Variants in MARCHF1 observed in about 807,000 individuals in gnomAD.
MARCHF1 encodes E3 ubiquitin-protein ligase MARCHF1.
In MARCHF1, 40 loss-of-function variants were observed where a neutral mutation model predicts 54.2. That is an observed-to-expected ratio of 0.74 (90% CI 0.57 to 0.96). The LOEUF (loss-of-function observed/expected upper bound fraction) is 0.96, where lower values mean the gene tolerates loss of function less well. Ranked by LOEUF, MARCHF1 falls within the 40% of genes least tolerant of loss-of-function variation. The pLI is 0.00. For synonymous variants in MARCHF1, 236 were observed against 236.3 expected (o/e 1.00, Z 0.01); for missense variants, 586 against 656.5 (o/e 0.89, Z 1.17).
Position 163,951,076 on chromosome 4 carries a change from G to A in MARCHF1, c.-39+37425C>T, listed in dbSNP as rs1484932385. On this transcript the variant is annotated intron_variant, in intron 3 of 9. Transcript: ENST00000514618. Reference sequence around the variant, plus strand: ...ACAAAAATATCACTTCACTTATTTTGATTTTAGACTGAAAAATAAACTTCA... The same window carrying A: ...ACAAAAATATCACTTCACTTATTTTAATTTTAGACTGAAAAATAAACTTCA... Among the ~76,000 whole-genome samples the A allele has an allele frequency of 4.1e-4, 63 of 152,236 alleles. 1 individual carries two copies. Among genetic ancestry groups the A allele is most frequent in the Non-Finnish European group, 8.8e-5 (6 of 68,000 alleles).
intron 1 of MARCHF1, among the ~76,000 whole-genome samples, chr4:164,169,001 C>T (rs970263641): frequency 2.0e-5 from 3 of 151,838 alleles, no homozygotes; most frequent in African/African-American, 7.3e-5. Flanking sequence ...TAGGATGAGC[C>T]AGTTTAGAGA....
intron 1 of MARCHF1, among the ~76,000 whole-genome samples, chr4:164,269,429 T>C (rs866427999): frequency 1.3e-5 from 2 of 152,160 alleles, no homozygotes; most frequent in Middle Eastern, 3.4e-3. Flanking sequence ...TGACCAATGA[T>C]GTTTGTTTCA....
chr4:163,657,205 G>A (rs1743179140), intron 5 of MARCHF1, among the ~76,000 whole-genome samples: 1 of 152,014 alleles, frequency 6.6e-6, no homozygotes, highest in Admixed American at 6.6e-5. Flanking sequence ...AGCAAATTCA[G>A]CAAAGTCTCA....
At chr4:163,691,184 C>T (rs575125715) in intron 5 of MARCHF1, among the ~76,000 whole-genome samples, 7 of 152,244 alleles carry the variant, frequency 4.6e-5, no homozygotes, top group East Asian at 1.9e-4. Context: ...TGTATCAGGC[C>T]GGCAGCATCT....
At chr4:163,655,166 T>C (rs890573552) in intron 5 of MARCHF1, among the ~76,000 whole-genome samples, 1 of 151,742 alleles carries the variant, frequency 6.6e-6, no homozygotes, top group Admixed American at 6.6e-5. Flanking sequence ...AATTATTATT[T>C]TTGCTACTGT....
At chr4:164,265,897 T>C (rs1284022502) in intron 1 of MARCHF1, among the ~76,000 whole-genome samples, 1 of 152,130 alleles carries the variant, frequency 6.6e-6, no homozygotes, top group African/African-American at 2.4e-5. Flanking sequence ...TCCAACCAAA[T>C]TAGGAACAAT....
chr4:164,223,587 G>A (rs1732171356), intron 1 of MARCHF1, among the ~76,000 whole-genome samples: 1 of 151,902 alleles, frequency 6.6e-6, no homozygotes, highest in Non-Finnish European at 1.5e-5. Flanking sequence ...AGTATTTATT[G>A]TAAATCTTGG....
At chr4:164,073,301 G>A (rs1213124832) in intron 2 of MARCHF1, among the ~76,000 whole-genome samples, 1 of 152,156 alleles carries the variant, frequency 6.6e-6, no homozygotes, top group African/African-American at 2.4e-5. Flanking sequence ...ATACACCATG[G>A]AATACTATGC....
At chr4:163,906,275 C>A (rs1751064852) in intron 3 of MARCHF1, among the ~76,000 whole-genome samples, 1 of 151,846 alleles carries the variant, frequency 6.6e-6, no homozygotes, top group Admixed American at 6.6e-5. Flanking sequence ...TCCCCAGTGC[C>A]TGAATATGTA....
chr4:163,581,652 T>C (rs1740237747), intron 8 of MARCHF1, among the ~76,000 whole-genome samples: 1 of 152,174 alleles, frequency 6.6e-6, no homozygotes, highest in Non-Finnish European at 1.5e-5. Context: ...GAATTAACAG[T>C]GTTTGTTAAA....
intron 1 of MARCHF1, among the ~76,000 whole-genome samples, chr4:164,317,468 T>C (rs940588174): frequency 6.6e-6 from 1 of 152,258 alleles, no homozygotes; most frequent in South Asian, 2.1e-4. Flanking sequence ...TGCTGGTGCC[T>C]ACACATACAA....
At chr4:164,100,931 G>T (rs538971238) in intron 2 of MARCHF1, among the ~76,000 whole-genome samples, 1 of 152,216 alleles carries the variant, frequency 6.6e-6, no homozygotes, top group Non-Finnish European at 1.5e-5. Flanking sequence ...GAAGTAGGGC[G>T]AGGCATTGCC....
intron 2 of MARCHF1, among the ~76,000 whole-genome samples, chr4:164,071,458 C>T (rs1038294159): frequency 1.3e-5 from 2 of 151,870 alleles, no homozygotes; most frequent in African/African-American, 4.8e-5. Flanking sequence ...AAATATGATA[C>T]TTTTAAATAT....
In MARCHF1 at chr4:163,915,952, T is replaced by C. The variant is rs939291476; in HGVS notation, c.-38-61783A>G. Among the ~76,000 whole-genome samples, 36 of 152,162 alleles carry C rather than the reference T, an allele frequency of 2.4e-4. 1 individual carries two copies. The highest frequency in any genetic ancestry group is 2.4e-5 in the African/African-American group (1 of 41,452). Reference sequence around the variant, plus strand: ...TCCCATTTAAGAACCTGAATATAGATATTTTAATTCTAGTACCAAATTCAG... The same window carrying C: ...TCCCATTTAAGAACCTGAATATAGACATTTTAATTCTAGTACCAAATTCAG... On this transcript the variant is annotated intron_variant, in intron 3 of 9. Transcript: ENST00000514618.
chr4:163,703,159 T>C (rs542635830), intron 4 of MARCHF1, among the ~76,000 whole-genome samples: 2 of 152,286 alleles, frequency 1.3e-5, no homozygotes, highest in South Asian at 4.1e-4. Flanking sequence ...CCATTATAAT[T>C]CACAGGTATA....
chr4:163,582,972 A>C (rs755066648), intron 8 of MARCHF1, among the ~76,000 whole-genome samples: 8 of 152,194 alleles, frequency 5.3e-5, no homozygotes, highest in Admixed American at 2.6e-4. Context: ...AGACGTTGGA[A>C]TACTTTCTCT....
chr4:163,810,198 TGAG>T (rs1479501342), intron 4 of MARCHF1, among the ~76,000 whole-genome samples: 1 of 152,202 alleles, frequency 6.6e-6, no homozygotes, highest in East Asian at 1.9e-4. Flanking sequence ...AGGAGGAAAA[TGAG>T]GAAAGTTCAA....
At position 163,702,258 on chromosome 4, in the gene MARCHF1, A is replaced by G. The variant is rs572146336; in HGVS notation, c.112-1395T>C. 9.2e-5 allele frequency among the ~76,000 whole-genome samples: 14 copies of G among 152,308 alleles called. No individual in the cohort carries two copies. In the South Asian group the frequency reaches 1.0e-3, roughly 11 times the overall value. On this transcript the variant is annotated intron_variant, in intron 4 of 9. Coordinates refer to ENST00000514618, the MANE Select transcript of MARCHF1 (RefSeq NM_001394959.1). ...GAGATTAATGTATATGCTACCACAGACATTTTTCCCTGATTAGCTCCACTG... is the reference window on the plus strand; with the variant it reads ...GAGATTAATGTATATGCTACCACAGGCATTTTTCCCTGATTAGCTCCACTG...
chr4:164,343,679 C>G (rs777402781), intron 1 of MARCHF1, among the ~76,000 whole-genome samples: 22 of 152,034 alleles, frequency 1.4e-4, no homozygotes, highest in Non-Finnish European at 3.2e-4. Context: ...CAATGAGATA[C>G]CATCTCTCAC....
Sources: gnomAD v4.1 joint callset for allele counts (sites outside exome capture counted in the v4.1 genomes callset) on GRCh38, gnomAD v4.1.1 for gene constraint, MANE v1.5 for transcripts, NCBI Gene and HGNC (gene_info 2026-07-23, HGNC 2026-07-21) for gene names.